Variants in TBC1D22A observed in about 807,000 individuals in gnomAD.
TBC1D22A encodes putative GTPase activator.
A neutral mutation model predicts 60.2 loss-of-function variants in TBC1D22A; 38 were observed. The observed-to-expected ratio is 0.63, with a 90% CI of 0.49 to 0.83. TBC1D22A has a LOEUF of 0.83. Among genes scored for constraint, TBC1D22A ranks in the 40% least tolerant of loss-of-function variants. The probability of loss-of-function intolerance (pLI) is 0.00; values close to 1 mark genes in which losing one functional copy is unlikely to be tolerated. For synonymous variants in TBC1D22A, 302 were observed against 281.7 expected, an observed-to-expected ratio of 1.07 and a Z score of -0.72; for missense variants, 628 against 701.0, an observed-to-expected ratio of 0.90 and a Z score of 1.18.
intron 11 of TBC1D22A, among the ~76,000 whole-genome samples, chr22:47,086,763 G>A (rs1237887303): frequency 1.3e-5 from 2 of 152,150 alleles, no homozygotes; most frequent in East Asian, 1.9e-4. Context: ...GCAGCAGGGC[G>A]GACACAGGGA....
At chr22:46,807,071 C>G (rs898744757) in intron 4 of TBC1D22A, among the ~76,000 whole-genome samples, 3 of 152,252 alleles carry the variant, frequency 2.0e-5, no homozygotes, top group African/African-American at 7.2e-5. Context: ...ACCGCAGATT[C>G]TACAGGTGCA....
At chr22:47,098,047 A>G (rs73888869) in intron 11 of TBC1D22A, among the ~76,000 whole-genome samples, 2,823 of 151,640 alleles carry the variant, frequency 0.019, 97 homozygotes, top group African/African-American at 0.065. Context: ...GATACAATTT[A>G]CTGGACGTAG....
chr22:46,897,640 G>GTTTTTTTGTTTTTTTTTTTTT (rs1569189469), intron 7 of TBC1D22A, among the ~76,000 whole-genome samples: 2 of 108,378 alleles, frequency 1.8e-5, no homozygotes, highest in African/African-American at 8.5e-5. Flanking sequence ...GTTTCGTTTT[G>GTTTTTTTGTTTTTTTTTTTTT]TTTTTTTTTG....
chr22:47,093,075 C>A (rs149700402), intron 11 of TBC1D22A, among the ~76,000 whole-genome samples: 77 of 152,354 alleles, frequency 5.1e-4, no homozygotes, highest in African/African-American at 1.8e-3. Context: ...AGTGGCAGCT[C>A]TGGCCCCCAC....
rs140184495 is a variant in TBC1D22A at position 47,030,796 on chromosome 22, A to G, written c.1202-6275A>G. 4.1e-3 allele frequency among the ~76,000 whole-genome samples: 618 copies of G among 152,362 alleles called. 11 individuals are homozygous for G. Among genetic ancestry groups the G allele is most frequent in the Admixed American group, 0.033 (508 of 15,310 alleles). On this transcript the variant is annotated intron_variant, in intron 10 of 12. Coordinates refer to ENST00000337137, the MANE Select transcript of TBC1D22A (RefSeq NM_014346.5). Reference sequence around the variant, plus strand: ...AATAAGAAAAATGAATCCTTTCGGCATGTACATTTGCAGCTTTGATGTGTA... The same window carrying G: ...AATAAGAAAAATGAATCCTTTCGGCGTGTACATTTGCAGCTTTGATGTGTA...
At chr22:46,887,935 G>A (rs1284719012) in intron 5 of TBC1D22A, among the ~76,000 whole-genome samples, 3 of 152,184 alleles carry the variant, frequency 2.0e-5, no homozygotes, top group Admixed American at 6.5e-5. Flanking sequence ...GAGGATGGAA[G>A]GAATGCCAGT....
At chr22:46,847,003 C>T (rs546593951) in intron 4 of TBC1D22A, among the ~76,000 whole-genome samples, 1 of 152,170 alleles carries the variant, frequency 6.6e-6, no homozygotes, top group African/African-American at 2.4e-5. Context: ...TGGAATCTCG[C>T]GTGGGGTTCA....
At chr22:46,981,845 G>A (rs1479027140) in intron 9 of TBC1D22A, among the ~76,000 whole-genome samples, 3 of 152,202 alleles carry the variant, frequency 2.0e-5, no homozygotes, top group South Asian at 2.1e-4. Context: ...CTGGGAGGAC[G>A]TGTACTGCAC....
intron 10 of TBC1D22A, among the ~76,000 whole-genome samples, chr22:47,001,743 G>A (rs537402466): frequency 6.9e-4 from 105 of 152,230 alleles, no homozygotes; most frequent in African/African-American, 2.3e-3. Context: ...TATTTTAAGG[G>A]CTTGGCATTT....
At chr22:46,896,334 A>G (rs1488573538) in intron 7 of TBC1D22A, among the ~76,000 whole-genome samples, 2 of 151,870 alleles carry the variant, frequency 1.3e-5, no homozygotes, top group African/African-American at 4.8e-5. Context: ...TTCTTGGTGG[A>G]TCTTGATGAT....
intron 8 of TBC1D22A, among the ~76,000 whole-genome samples, chr22:46,954,757 A>G (rs1569267784): frequency 6.6e-6 from 1 of 152,246 alleles, no homozygotes; most frequent in Non-Finnish European, 1.5e-5. Context: ...ATACTGTGCA[A>G]TTTAATACAG....
intron 11 of TBC1D22A, among the ~76,000 whole-genome samples, chr22:47,087,068 T>G (rs991391710): frequency 6.6e-6 from 1 of 152,268 alleles, no homozygotes; most frequent in African/African-American, 2.4e-5. Context: ...GTTGCCTCAC[T>G]GTTTACTGGA....
intron 4 of TBC1D22A, among the ~76,000 whole-genome samples, chr22:46,864,556 T>A (rs532385893): frequency 1.3e-5 from 2 of 152,226 alleles, no homozygotes; most frequent in Non-Finnish European, 2.9e-5. Context: ...ACAAACAGAT[T>A]GGTGAGGAGC....
intron 8 of TBC1D22A, among the ~76,000 whole-genome samples, chr22:46,917,875 C>T (rs1283777703): frequency 6.6e-6 from 1 of 152,148 alleles, no homozygotes; most frequent in African/African-American, 2.4e-5. Flanking sequence ...TGGCGCTCTC[C>T]CATGCCGGAG....
At chr22:47,165,537 T>C (rs66883383) in intron 12 of TBC1D22A, among the ~76,000 whole-genome samples, 18,244 of 148,802 alleles carry the variant, frequency 0.12, 1,266 homozygotes, top group Non-Finnish European at 0.16. Flanking sequence ...GCATGTCGCC[T>C]GCCTGGCTCT....
chr22:46,858,171 C>T (rs1240487888), intron 4 of TBC1D22A, among the ~76,000 whole-genome samples: 1 of 152,184 alleles, frequency 6.6e-6, no homozygotes, highest in African/African-American at 2.4e-5. Flanking sequence ...ACGTTGTTGC[C>T]ATCCTCATGT....
chr22:46,973,675 G>A (rs2074169957), intron 8 of TBC1D22A, among the ~76,000 whole-genome samples: 2 of 152,200 alleles, frequency 1.3e-5, no homozygotes, highest in African/African-American at 2.4e-5. Context: ...TATCTGATAA[G>A]CCATTTCAAT....
Position 46,777,493 on chromosome 22 carries a change from G to A in TBC1D22A, c.62+14645G>A, listed in dbSNP as rs2083753836. Among the ~76,000 whole-genome samples, 2 of 152,132 alleles carry A rather than the reference G, an allele frequency of 1.3e-5. No homozygotes were observed. Among genetic ancestry groups the A allele is most frequent in the Non-Finnish European group, 2.9e-5 (2 of 68,038 alleles). ...TGGCAGTGGTTTTGCTTGGAGGCACGTGTTTGAGAACCGTTTACTCGGGTG... is the reference window on the plus strand; with the variant it reads ...TGGCAGTGGTTTTGCTTGGAGGCACATGTTTGAGAACCGTTTACTCGGGTG... On this transcript the variant is annotated intron_variant, in intron 1 of 12. Coordinates refer to ENST00000337137, the MANE Select transcript of TBC1D22A (RefSeq NM_014346.5). The surrounding 1 kb of genome is among the most constrained non-coding windows in gnomAD (Gnocchi z 4.5).
At chr22:47,122,733 G>A (rs1016412118) in intron 12 of TBC1D22A, among the ~76,000 whole-genome samples, 2 of 152,258 alleles carry the variant, frequency 1.3e-5, no homozygotes, top group Non-Finnish European at 2.9e-5. Flanking sequence ...GCTCTGCAGA[G>A]ACCCAGGCAG....
Sources: gnomAD v4.1 joint callset for allele counts (sites outside exome capture counted in the v4.1 genomes callset) on GRCh38, gnomAD v4.1.1 for gene constraint, Gnocchi (gnomAD v3.1) non-coding constraint, MANE v1.5 for transcripts, NCBI Gene and HGNC (gene_info 2026-07-23, HGNC 2026-07-21) for gene names.